REDIC1: variants seen among roughly 807,000 people sequenced by gnomAD.
The protein encoded by REDIC1 is HEI10 Interacting Protein 1.
At chr12:39,896,538 A>ATGTATGTGTG in the REDIC1 span, among the ~76,000 whole-genome samples, 1 of 145,482 alleles carries the variant, frequency 6.9e-6, no homozygotes, top group East Asian at 2.1e-4. Flanking sequence ...ACATGTATGT[A>ATGTATGTGTG]TGTATGTGTG....
chr12:39,764,910 C>T, the REDIC1 span: 1 of 1,574,812 alleles, frequency 6.3e-7, no homozygotes, highest in Non-Finnish European at 8.7e-7. Flanking sequence ...ACTACAGTTG[C>T]AGAAATTCAA....
chr12:39,789,536 A>G, the REDIC1 span, among the ~76,000 whole-genome samples: 3 of 152,168 alleles, frequency 2.0e-5, no homozygotes, highest in African/African-American at 7.2e-5. Context: ...CATGTGTGCA[A>G]GGGTTTCTCT....
the REDIC1 span, chr12:39,646,476 G>A: frequency 6.4e-7 from 1 of 1,550,428 alleles, no homozygotes; most frequent in Non-Finnish European, 8.7e-7. Flanking sequence ...GTTTTAGCTA[G>A]GATTTATATT....
At chr12:39,876,266 C>A in the REDIC1 span, among the ~76,000 whole-genome samples, 1 of 152,166 alleles carries the variant, frequency 6.6e-6, no homozygotes, top group African/African-American at 2.4e-5. Context: ...ATCTGACTCA[C>A]ACAAAACAGA....
chr12:39,727,448 A>T, the REDIC1 span, among the ~76,000 whole-genome samples: 4 of 152,270 alleles, frequency 2.6e-5, no homozygotes, highest in South Asian at 8.3e-4. Context: ...TTTGTCAAAG[A>T]TCAAATGGTT....
chr12:39,630,060 A>G, the REDIC1 span, among the ~76,000 whole-genome samples: 1 of 152,310 alleles, frequency 6.6e-6, no homozygotes, highest in East Asian at 1.9e-4. Context: ...GGAAGGCACC[A>G]CGGAGACCCT....
At chr12:39,683,279 T>A in the REDIC1 span, 1 of 1,129,166 alleles carries the variant, frequency 8.9e-7, no homozygotes, top group Non-Finnish European at 1.3e-6. Flanking sequence ...AAACCAAAAA[T>A]AGAATGGCTT....
At chr12:39,898,413 G>A in the REDIC1 span, among the ~76,000 whole-genome samples, 2 of 152,112 alleles carry the variant, frequency 1.3e-5, no homozygotes, top group Non-Finnish European at 2.9e-5. Flanking sequence ...TGATTTACCT[G>A]TAAAGTAAAA....
the REDIC1 span, among the ~76,000 whole-genome samples, chr12:39,818,327 G>A: frequency 1.1e-4 from 2 of 17,728 alleles, no homozygotes; most frequent in African/African-American, 1.1e-3. Context: ...ATACTGATCG[G>A]TACCTTCTTA....
the REDIC1 span, among the ~76,000 whole-genome samples, chr12:39,718,435 G>T: frequency 6.6e-6 from 1 of 152,128 alleles, no homozygotes; most frequent in Non-Finnish European, 1.5e-5. Flanking sequence ...AGCACTGATG[G>T]AATCAACTCA....
chr12:39,809,049 A>G, the REDIC1 span, among the ~76,000 whole-genome samples: 3 of 152,084 alleles, frequency 2.0e-5, no homozygotes, highest in Non-Finnish European at 4.4e-5. Flanking sequence ...AGCTTTTACT[A>G]TTAGGTCTAT....
the REDIC1 span, among the ~76,000 whole-genome samples, chr12:39,816,094 G>A: frequency 2.0e-5 from 3 of 152,202 alleles, no homozygotes; most frequent in Non-Finnish European, 4.4e-5. Context: ...TGGGCTGATA[G>A]TGAGCTGAGG....
chr12:39,751,740 A>G, the REDIC1 span, among the ~76,000 whole-genome samples: 5 of 152,334 alleles, frequency 3.3e-5, no homozygotes, highest in South Asian at 1.0e-3. Flanking sequence ...GGATGAGTTC[A>G]TGTCCTTTGT....
chr12:39,906,414 C>T, the REDIC1 span, among the ~76,000 whole-genome samples: 1 of 152,056 alleles, frequency 6.6e-6, no homozygotes, highest in African/African-American at 2.4e-5. Context: ...CATACCTACA[C>T]ACAATAGATA....
At chr12:39,703,689 G>C in the REDIC1 span, among the ~76,000 whole-genome samples, 5 of 152,044 alleles carry the variant, frequency 3.3e-5, no homozygotes, top group African/African-American at 1.2e-4. Flanking sequence ...ATACTACAAG[G>C]CTACAGTCAC....
At chr12:39,777,673 C>T in the REDIC1 span, among the ~76,000 whole-genome samples, 1 of 152,130 alleles carries the variant, frequency 6.6e-6, no homozygotes, top group African/African-American at 2.4e-5. Flanking sequence ...GAGAGAAGCA[C>T]ATCAATGGAG....
chr12:39,705,779 C>G, the REDIC1 span, among the ~76,000 whole-genome samples: 1 of 151,894 alleles, frequency 6.6e-6, no homozygotes, highest in South Asian at 2.1e-4. Flanking sequence ...TGGTAAAAAC[C>G]TTCAAAAAAT....
the REDIC1 span, among the ~76,000 whole-genome samples, chr12:39,691,131 A>G: frequency 6.6e-6 from 1 of 152,064 alleles, no homozygotes; most frequent in African/African-American, 2.4e-5. Context: ...AAGGAAGTGG[A>G]GGATTGTGGG....
chr12:39,674,210 G>A, the REDIC1 span, among the ~76,000 whole-genome samples: 1 of 152,022 alleles, frequency 6.6e-6, no homozygotes, highest in East Asian at 1.9e-4. Context: ...TTTAGCATTT[G>A]ACTGTAGGAT....
Sources: gnomAD v4.1 joint callset for allele counts (sites outside exome capture counted in the v4.1 genomes callset) on GRCh38, gnomAD v4.1.1 for gene constraint, MANE v1.5 for transcripts, NCBI Gene and HGNC (gene_info 2026-07-23, HGNC 2026-07-21) for gene names.